Variants in TENM3 observed in about 807,000 individuals in gnomAD.
TENM3 encodes teneurin transmembrane protein 3.
Under a neutral mutation model 255.1 loss-of-function variants are expected in TENM3, and 63 were observed. The observed-to-expected ratio is 0.25, with a 90% CI of 0.20 to 0.30. The LOEUF (loss-of-function observed/expected upper bound fraction) is 0.30, where lower values mean the gene tolerates loss of function less well. Among genes scored for constraint, TENM3 ranks in the 10% least tolerant of loss-of-function variants. The pLI, the probability that TENM3 is intolerant of heterozygous loss-of-function variation, is 1.00. For synonymous variants in TENM3, 1,306 were observed against 1,322.3 expected (o/e 0.99, Z 0.27); for missense variants, 2,929 against 3,461.1 (o/e 0.85, Z 3.86).
At chr4:182,379,036 G>A (rs535612697) in intron 3 of TENM3, among the ~76,000 whole-genome samples, 21 of 152,130 alleles carry the variant, frequency 1.4e-4, no homozygotes, top group Non-Finnish European at 2.8e-4. Context: ...CATCGGATTT[G>A]GACTTTCATA....
chr4:182,115,392 C>CAGTT, the TENM3 span, among the ~76,000 whole-genome samples: 1 of 152,166 alleles, frequency 6.6e-6, no homozygotes, highest in Non-Finnish European at 1.5e-5. Context: ...ATATATAAAA[C>CAGTT]AGTTACAGTT....
At chr4:181,789,989 G>A in the TENM3 span, among the ~76,000 whole-genome samples, 41 of 152,222 alleles carry the variant, frequency 2.7e-4, no homozygotes, top group African/African-American at 9.6e-4. Context: ...CAAATTAATG[G>A]AACCTAAGAA....
chr4:182,363,125 T>C (rs1304622397), intron 3 of TENM3, among the ~76,000 whole-genome samples: 2 of 152,160 alleles, frequency 1.3e-5, no homozygotes, highest in African/African-American at 2.4e-5. Context: ...AAAATCCTTC[T>C]ATAAAACTGT....
At chr4:182,642,497 G>A (rs1020246402) in intron 5 of TENM3, among the ~76,000 whole-genome samples, 3 of 152,172 alleles carry the variant, frequency 2.0e-5, no homozygotes, top group Admixed American at 6.5e-5. Context: ...AAAAGAATAT[G>A]AGTCAAATAT....
the TENM3 span, among the ~76,000 whole-genome samples, chr4:181,928,332 A>G: frequency 5.3e-5 from 8 of 152,126 alleles, no homozygotes; most frequent in African/African-American, 1.7e-4. Context: ...AGAGAAGAAC[A>G]TAAATGACCT....
chr4:181,499,515 A>C, the TENM3 span, among the ~76,000 whole-genome samples: 9 of 152,208 alleles, frequency 5.9e-5, no homozygotes, highest in Admixed American at 1.3e-4. Context: ...GCTGGCTGAC[A>C]TGAAGGGGCA....
chr4:182,218,117 T>G (rs1463233711), intron 1 of TENM3, among the ~76,000 whole-genome samples: 3 of 152,200 alleles, frequency 2.0e-5, no homozygotes, highest in Non-Finnish European at 4.4e-5. Flanking sequence ...CCAAGTTCCT[T>G]GCCCAAAATC....
chr4:182,048,389 G>A, the TENM3 span, among the ~76,000 whole-genome samples: 1 of 151,888 alleles, frequency 6.6e-6, no homozygotes, highest in Non-Finnish European at 1.5e-5. Context: ...CACCTCCTTA[G>A]TTCACCGATT....
At chr4:182,226,204 T>G (rs1232775025) in intron 1 of TENM3, among the ~76,000 whole-genome samples, 1 of 151,830 alleles carries the variant, frequency 6.6e-6, no homozygotes, top group Non-Finnish European at 1.5e-5. Context: ...GAAAGGAAAT[T>G]GGAGAAGTAG....
chr4:181,605,548 A>AGAGAG, the TENM3 span, among the ~76,000 whole-genome samples: 1 of 31,956 alleles, frequency 3.1e-5, no homozygotes, highest in Non-Finnish European at 8.5e-5. Flanking sequence ...GAAAGAAAGA[A>AGAGAG]AGAAAGAAAG....
chr4:181,575,349 G>A, the TENM3 span, among the ~76,000 whole-genome samples: 1 of 151,884 alleles, frequency 6.6e-6, no homozygotes, highest in African/African-American at 2.4e-5. Context: ...TATACCAATA[G>A]GTTGATCTAA....
intron 1 of TENM3, among the ~76,000 whole-genome samples, chr4:182,219,860 G>A (rs540653687): frequency 1.3e-5 from 2 of 152,148 alleles, no homozygotes; most frequent in Non-Finnish European, 2.9e-5. Context: ...TAAGGGGAAG[G>A]CAAATCACCT....
chr4:182,124,547 C>T, the TENM3 span, among the ~76,000 whole-genome samples: 20 of 152,296 alleles, frequency 1.3e-4, no homozygotes, highest in East Asian at 3.9e-3. Flanking sequence ...TAAGAAAGAA[C>T]AAAGGCTGAG....
chr4:182,072,586 C>T, the TENM3 span, among the ~76,000 whole-genome samples: 1 of 152,198 alleles, frequency 6.6e-6, no homozygotes, highest in Non-Finnish European at 1.5e-5. Context: ...TACTTCCACT[C>T]TAGGCATAAT....
intron 4 of TENM3, 72 bp downstream of exon 4, chr4:182,601,233 A>G: frequency 8.3e-7 from 1 of 1,209,710 alleles, no homozygotes; most frequent in South Asian, 1.3e-5. Flanking sequence ...ATACTTACAT[A>G]TTCTGGTGTG....
At chr4:182,100,686 T>TATATACACATATATATACAC in the TENM3 span, among the ~76,000 whole-genome samples, 1 of 77,212 alleles carries the variant, frequency 1.3e-5, no homozygotes, top group East Asian at 4.1e-4. Flanking sequence ...TATACACACA[T>TATATACACATATATATACAC]ATATATACAC....
the TENM3 span, among the ~76,000 whole-genome samples, chr4:181,609,642 T>C: frequency 2.6e-5 from 4 of 152,242 alleles, no homozygotes; most frequent in Non-Finnish European, 5.9e-5. Flanking sequence ...CCACATATGT[T>C]GTGCATTTGG....
chr4:181,872,328 CT>C, the TENM3 span, among the ~76,000 whole-genome samples: 5 of 126,434 alleles, frequency 4.0e-5, no homozygotes, highest in African/African-American at 1.4e-4. Context: ...TTTTTTTAAA[CT>C]TTTATTTTAA....
rs1161478286 is a variant in TENM3, at chr4:182,793,197, T to C, written c.6525T>C (p.Tyr2175=). Residue 2175 remains tyrosine, a synonymous_variant, in exon 26 of 28, where the codon TAT becomes TAC. Coordinates refer to ENST00000511685, the MANE Select transcript of TENM3 (RefSeq NM_001080477.4). This position sits in a 1 kb window ranked among gnomAD's most constrained non-coding sequence, Gnocchi z 5.7. ...SNSARLTPLR[Y]DLRDRITRLG... ...GTGCGCGTCTGACACCCCTTCGCTATGACCTGCGAGACAGAATCACTCGAC... is the reference window on the plus strand; with the variant it reads ...GTGCGCGTCTGACACCCCTTCGCTACGACCTGCGAGACAGAATCACTCGAC... 3.7e-6 allele frequency: 6 copies of C among 1,614,024 alleles called. No homozygotes were observed. Among genetic ancestry groups the C allele is most frequent in the Non-Finnish European group, 4.2e-6 (5 of 1,179,876 alleles).
Sources: allele counts gnomAD v4.1 joint callset (sites outside exome capture counted in the v4.1 genomes callset), GRCh38; gene constraint gnomAD v4.1.1; non-coding constraint Gnocchi (gnomAD v3.1); transcripts MANE v1.5; gene names NCBI Gene and HGNC (gene_info 2026-07-23, HGNC 2026-07-21).